AR: variants seen among roughly 807,000 people sequenced by gnomAD.
AR encodes dihydrotestosterone receptor.
Under a neutral mutation model 53.9 loss-of-function variants are expected in AR, and 8 were observed. That is an observed-to-expected ratio of 0.15 (90% CI 0.09 to 0.27). AR has a LOEUF of 0.27. Among genes scored for constraint, AR ranks in the 10% least tolerant of loss-of-function variants. The probability of loss-of-function intolerance (pLI) is 1.00; values close to 1 mark genes in which losing one functional copy is unlikely to be tolerated. For missense variants in AR, 639 were observed against 742.5 expected (o/e 0.86, Z 1.62); for synonymous variants, 359 against 316.4 (o/e 1.13, Z -1.43).
chrX:67,592,902 A>G (rs991513621), intron 1 of AR, among the ~76,000 whole-genome samples: 1 of 111,404 alleles, frequency 9.0e-6, no homozygotes, highest in Non-Finnish European at 1.9e-5. Context: ...GAAGAGCAAA[A>G]CTAAGACAAT....
intron 1 of AR, among the ~76,000 whole-genome samples, chrX:67,571,108 A>T (rs1709421068): frequency 9.0e-6 from 1 of 111,098 alleles, no homozygotes; most frequent in Non-Finnish European, 1.9e-5. Flanking sequence ...TTTCTTTCTG[A>T]TGGAAGGTTA....
rs756578203 is a variant in AR, at chrX:67,728,971, A to T, written c.*5130A>T. On this transcript the variant is annotated 3_prime_UTR_variant, in exon 8 of 8. Transcript: ENST00000374690. ...CAAAAGCCTACCCAAGTGATTGACC[A>T]GTGGCCCCCTAATGGGACCTGAGCT... 2.3e-5 allele frequency: 4 copies of T among 172,852 alleles called. No homozygotes were observed. The highest frequency in any genetic ancestry group is 8.9e-5 in the African/African-American group (3 of 33,830). The allele number at this position is 172,852 out of a possible 1,213,427, so 14.2% of individuals were successfully genotyped here.
chrX:67,611,807 T>C (rs1923897312), intron 1 of AR, among the ~76,000 whole-genome samples: 1 of 112,146 alleles, frequency 8.9e-6, no homozygotes, highest in Admixed American at 9.5e-5. Context: ...GAAAAGAGTC[T>C]AAAGGTTCTC....
chrX:67,627,998 C>G (rs1472249981), intron 1 of AR, among the ~76,000 whole-genome samples: 1 of 111,537 alleles, frequency 9.0e-6, no homozygotes, highest in East Asian at 2.8e-4. Flanking sequence ...TGATCTATAT[C>G]TCTCTTTTGG....
At chrX:67,639,344 A>G (rs768988118) in intron 1 of AR, among the ~76,000 whole-genome samples, 1 of 111,832 alleles carries the variant, frequency 8.9e-6, no homozygotes, top group African/African-American at 3.2e-5. Flanking sequence ...TTTTTTTATA[A>G]TTCTGCGAAG....
intron 5 of AR, among the ~76,000 whole-genome samples, chrX:67,720,133 G>T (rs1049085603): frequency 9.0e-6 from 1 of 111,399 alleles, no homozygotes; most frequent in Admixed American, 9.5e-5. Flanking sequence ...GTCAGGCACT[G>T]TGCTCAGTGT....
intron 1 of AR, among the ~76,000 whole-genome samples, chrX:67,571,707 C>T (rs1259036093): frequency 3.6e-5 from 4 of 110,458 alleles, no homozygotes; most frequent in Non-Finnish European, 7.6e-5. Flanking sequence ...TTTTAATTGG[C>T]AAACACCTTA....
intron 1 of AR, among the ~76,000 whole-genome samples, chrX:67,640,750 CTG>C (rs1925713725): frequency 9.1e-6 from 1 of 110,228 alleles, no homozygotes; most frequent in Non-Finnish European, 1.9e-5. Context: ...ACAAAATAGA[CTG>C]TTTATCTGAT....
intron 2 of AR, 41 bp from the exon 3 acceptor site, chrX:67,685,969 C>T: frequency 8.3e-7 from 1 of 1,208,775 alleles, no homozygotes; most frequent in African/African-American, 1.7e-5. Context: ...ACTCTGGAAA[C>T]TCATTATCAG....
rs753862993 is a variant in AR at position 67,725,484 on chromosome X, G to T, written c.*1643G>T. 5.7e-6 allele frequency: 1 copy of T among 174,151 alleles called. No homozygotes were observed. Among genetic ancestry groups the T allele is most frequent in the Non-Finnish European group, 1.1e-5 (1 of 91,505 alleles). 14.4% of individuals were successfully genotyped at this position (174,151 alleles called of 1,213,427 possible). A position where few individuals can be genotyped will look rare whatever the true frequency, so the allele number is the denominator to read the frequency against. On this transcript the variant is annotated 3_prime_UTR_variant, in exon 8 of 8. Coordinates refer to ENST00000374690, the MANE Select transcript of AR (RefSeq NM_000044.6). The stretch of plus-strand genomic sequence containing the variant: ...AATTACCAGGGTGGGAAGAATGAAG[G>T]CACTAGAACCAGAAACCCTGCAAAT...
intron 2 of AR, among the ~76,000 whole-genome samples, chrX:67,669,330 C>G (rs1278878163): frequency 9.0e-6 from 1 of 111,056 alleles, no homozygotes; most frequent in South Asian, 3.8e-4. Flanking sequence ...TGTTTAATTT[C>G]CATGTGGTTT....
chrX:67,609,432 C>T (rs1202330856), intron 1 of AR, among the ~76,000 whole-genome samples: 1 of 111,189 alleles, frequency 9.0e-6, no homozygotes, highest in Non-Finnish European at 1.9e-5. Flanking sequence ...TTATTCTACC[C>T]TATTTTCCAT....
At chrX:67,547,115 C>G (rs1929797518) in intron 1 of AR, among the ~76,000 whole-genome samples, 1 of 111,583 alleles carries the variant, frequency 9.0e-6, no homozygotes, top group Non-Finnish European at 1.9e-5. Flanking sequence ...TTCCTTTCCT[C>G]CTGTCCTCAA....
At chrX:67,711,825 A>T (rs1351391054) in intron 4 of AR, 136 bp downstream of exon 4, 3 of 664,715 alleles carry the variant, frequency 4.5e-6, no homozygotes, top group Non-Finnish European at 2.2e-6. Context: ...TGGGAGAGGG[A>T]TTGTTACAAG....
At chrX:67,688,492 G>A (rs1282217883) in intron 3 of AR, among the ~76,000 whole-genome samples, 2 of 111,696 alleles carry the variant, frequency 1.8e-5, no homozygotes, top group African/African-American at 6.5e-5. Context: ...TAGCTGGAAA[G>A]TCTGTAACAC....
intron 2 of AR, among the ~76,000 whole-genome samples, chrX:67,683,018 G>A (rs1282020842): frequency 8.9e-6 from 1 of 112,109 alleles, no homozygotes; most frequent in African/African-American, 3.2e-5. Flanking sequence ...ATGTTTTGGT[G>A]TGTTTTATGC....
chrX:67,689,655 GA>G, intron 3 of AR: 1 of 912,898 alleles, frequency 1.1e-6, no homozygotes, highest in Non-Finnish European at 1.4e-6. Context: ...ATCCACAACA[GA>G]GATCAGCCTT....
At chrX:67,710,613 A>C (rs1408196688) in intron 3 of AR, among the ~76,000 whole-genome samples, 1 of 111,927 alleles carries the variant, frequency 8.9e-6, no homozygotes, top group East Asian at 2.8e-4. Flanking sequence ...GATTACAGGC[A>C]TGAACCACCT....
chrX:67,599,336 G>T (rs149200508), intron 1 of AR, among the ~76,000 whole-genome samples: 143 of 111,926 alleles, frequency 1.3e-3, no homozygotes, highest in African/African-American at 4.3e-3. Context: ...TAGATTCATG[G>T]CGTAGTGAGT....
Sources: gnomAD v4.1 joint callset for allele counts (sites outside exome capture counted in the v4.1 genomes callset) on GRCh38, gnomAD v4.1.1 for gene constraint, MANE v1.5 for transcripts, NCBI Gene and HGNC (gene_info 2026-07-23, HGNC 2026-07-21) for gene names.